The following USH2A variants were observed in gnomAD, a reference collection of about 807,000 sequenced individuals.
USH2A encodes the protein Usher syndrome 2A (autosomal recessive, mild).
USH2A carries 443 observed loss-of-function variants against 538.9 expected under a neutral mutation model. The ratio of observed to expected loss-of-function variants is 0.82; its 90% CI spans 0.76 to 0.89. The LOEUF is 0.89. USH2A is among the 40% of genes least tolerant of loss of function. The pLI is 0.00. For synonymous variants in USH2A, 2,413 were observed against 2,273.5 expected, an observed-to-expected ratio of 1.06 and a Z score of -1.75; for missense variants, 6,633 against 6,324.8, an observed-to-expected ratio of 1.05 and a Z score of -1.65.
chr1:215,934,926 A>G (rs887271060), intron 37 of USH2A, 131 bp from the exon 38 acceptor site: 4 of 799,024 alleles, frequency 5.0e-6, no homozygotes, highest in Admixed American at 2.9e-5. Context: ...TCTAAGAGGC[A>G]TTACATGTGC....
At chr1:216,196,866 T>G in intron 18 of USH2A, 144 bp from the exon 19 acceptor site, 1 of 964,488 alleles carries the variant, frequency 1.0e-6, no homozygotes. Context: ...AAGAATATGC[T>G]GGTATATGTA....
rs188103344 is a variant in USH2A at position 216,220,050 on chromosome 1, G to T, written c.2994-2500C>A. Among the ~76,000 whole-genome samples the T allele has an allele frequency of 2.7e-3, 418 of 152,242 alleles. 2 individuals are homozygous for T. Among genetic ancestry groups the T allele is most frequent in the Non-Finnish European group, 4.8e-3 (328 of 68,014 alleles). On this transcript the variant is annotated intron_variant, in intron 14 of 71. Coordinates refer to ENST00000307340, the MANE Select transcript of USH2A (RefSeq NM_206933.4). ...TCTTCCAGTTGTGGAAACAGTGAGA[G>T]AAATGGTTATCCTAATTATTACTGT...
intron 58 of USH2A, among the ~76,000 whole-genome samples, chr1:215,748,003 T>C (rs1214548205): frequency 6.6e-6 from 1 of 151,774 alleles, no homozygotes. Flanking sequence ...GCCATTCTCC[T>C]GCCTCAGCCT....
intron 61 of USH2A, among the ~76,000 whole-genome samples, chr1:215,726,413 A>G (rs1329829059): frequency 6.6e-6 from 1 of 152,226 alleles, no homozygotes; most frequent in African/African-American, 2.4e-5. Flanking sequence ...TTTCATTTAC[A>G]TATTGCTTAT....
chr1:216,225,583 T>C (rs574819289), intron 14 of USH2A, among the ~76,000 whole-genome samples: 1 of 152,306 alleles, frequency 6.6e-6, no homozygotes, highest in East Asian at 1.9e-4. Context: ...AGCTGCATTA[T>C]ATACAGTAGC....
chr1:215,696,985 CT>C (rs1422651284), intron 61 of USH2A, among the ~76,000 whole-genome samples: 1 of 151,906 alleles, frequency 6.6e-6, no homozygotes, highest in Non-Finnish European at 1.5e-5. Flanking sequence ...CAGGGTCTTA[CT>C]TTGACACTCA....
intron 61 of USH2A, among the ~76,000 whole-genome samples, chr1:215,714,218 G>C (rs185757001): frequency 2.0e-5 from 3 of 152,142 alleles, no homozygotes; most frequent in Admixed American, 2.0e-4. Flanking sequence ...ATGATTACAG[G>C]TTAGCAAGAA....
At chr1:216,286,216 G>A (rs964461620) in intron 11 of USH2A, among the ~76,000 whole-genome samples, 15 of 152,160 alleles carry the variant, frequency 9.9e-5, no homozygotes, top group Non-Finnish European at 1.8e-4. Flanking sequence ...GAGGAACCAG[G>A]TGGAGATAAT....
At chr1:216,368,471 G>A (rs2038641342) in intron 3 of USH2A, among the ~76,000 whole-genome samples, 1 of 152,098 alleles carries the variant, frequency 6.6e-6, no homozygotes, top group African/African-American at 2.4e-5. Flanking sequence ...TAGAGAGACA[G>A]AATACCTGTG....
At position 215,798,899 on chromosome 1, in the gene USH2A, C is replaced by T. The variant is rs370383574; in HGVS notation, c.9958+8G>A. 7.4e-6 allele frequency: 12 copies of T among 1,613,920 alleles called. No homozygotes were observed. The African/African-American group carries it at 1.5e-4, about 20-fold the overall frequency. On this transcript the variant is annotated splice_region_variant and intron_variant, in intron 50 of 71. Coordinates refer to ENST00000307340, the MANE Select transcript of USH2A (RefSeq NM_206933.4). ...CCATCTACTGAAAGGTAGACCTGGG[C>T]CCCTTACCTGGAAGGCGATTGTACA... is the stretch of plus-strand genomic sequence containing the variant.
At chr1:216,376,937 G>C (rs893655436) in intron 3 of USH2A, among the ~76,000 whole-genome samples, 1 of 151,970 alleles carries the variant, frequency 6.6e-6, no homozygotes, top group Non-Finnish European at 1.5e-5. Flanking sequence ...CTTCAACAAG[G>C]GTAGAACATC....
Position 215,878,975 on chromosome 1 carries a change from G to T in USH2A, c.8347C>A (p.Leu2783Met). 1.2e-6 allele frequency: 2 copies of T among 1,614,116 alleles called. No homozygotes were observed. The highest frequency in any genetic ancestry group is 2.2e-5 in the South Asian group (2 of 91,084). The stretch of plus-strand genomic sequence containing the variant: ...ACAGAATAATTAGTGAAAGGAATCA[G>T]ATGAGTAACTTTTTGACTTAACACT... ...SAVLSQKVTH[L>M]IPFTNYSVTI... The change falls in exon 42 of 72, where the codon CTG becomes ATG. Residue 2783 changes from leucine to methionine, a missense_variant. Coordinates refer to ENST00000307340, the MANE Select transcript of USH2A (RefSeq NM_206933.4).
At chr1:215,760,435 G>A (rs541967962) in intron 56 of USH2A, among the ~76,000 whole-genome samples, 3 of 151,306 alleles carry the variant, frequency 2.0e-5, no homozygotes, top group Non-Finnish European at 2.9e-5. Flanking sequence ...TTCCAACACC[G>A]GCTTCCCAGG....
Position 216,289,363 on chromosome 1 carries a change from C to T in USH2A, c.1888G>A (p.Ala630Thr). The T allele has an allele frequency of 6.2e-7, 1 of 1,613,988 alleles. No homozygotes were observed. The highest frequency in any genetic ancestry group is 8.5e-7 in the Non-Finnish European group (1 of 1,179,862). Residue 630 changes from alanine (A) to threonine (T), a missense_variant, in exon 11 of 72, where the codon GCA becomes ACA. Transcript: ENST00000307340. ...CKDYFFRQVG[A>T]DPSAIDVCKP... is the part of the protein sequence containing the mutation. ...CAAACATCTATGGCCGAAGGATCTG[C>T]ACCAACTTGTCGGAAAAAGTAATCC...
intron 61 of USH2A, among the ~76,000 whole-genome samples, chr1:215,714,403 T>C (rs939944103): frequency 6.6e-6 from 1 of 152,166 alleles, no homozygotes; most frequent in Non-Finnish European, 1.5e-5. Context: ...TGGGGACACC[T>C]GGGTAAGAGC....
intron 4 of USH2A, among the ~76,000 whole-genome samples, chr1:216,362,509 T>C (rs1371920323): frequency 6.6e-6 from 1 of 152,204 alleles, no homozygotes; most frequent in Non-Finnish European, 1.5e-5. Context: ...TTTCACAACC[T>C]TTCTGGAGGT....
At chr1:216,152,381 T>G (rs971888735) in intron 21 of USH2A, among the ~76,000 whole-genome samples, 19 of 152,194 alleles carry the variant, frequency 1.2e-4, no homozygotes, top group African/African-American at 3.4e-4. Context: ...TGCCTTAACT[T>G]ATGACATTAC....
At chr1:215,689,497 C>T (rs942062956) in intron 61 of USH2A, among the ~76,000 whole-genome samples, 1 of 152,194 alleles carries the variant, frequency 6.6e-6, no homozygotes, top group Non-Finnish European at 1.5e-5. Context: ...ATTCTCCCTC[C>T]CCCTGAGTGC....
chr1:216,305,725 C>T (rs1213868880), intron 9 of USH2A, among the ~76,000 whole-genome samples: 1 of 152,102 alleles, frequency 6.6e-6, no homozygotes, highest in Non-Finnish European at 1.5e-5. Flanking sequence ...GTTCTCTAAA[C>T]ATTTGTTTGT....
Sources: allele counts gnomAD v4.1 joint callset (sites outside exome capture counted in the v4.1 genomes callset), GRCh38; gene constraint gnomAD v4.1.1; transcripts MANE v1.5; gene names NCBI Gene and HGNC (gene_info 2026-07-23, HGNC 2026-07-21).